Variants in GRK3 observed in about 807,000 individuals in gnomAD.
GRK3 encodes the protein adrenergic, beta, receptor kinase 2.
Under a neutral mutation model 95.7 loss-of-function variants are expected in GRK3, and 54 were observed. The observed-to-expected ratio is 0.56, with a 90% CI of 0.45 to 0.71. The LOEUF (loss-of-function observed/expected upper bound fraction) is 0.71. Among genes scored for constraint, GRK3 ranks in the 30% least tolerant of loss-of-function variants. The pLI, the probability that GRK3 is intolerant of heterozygous loss-of-function variation, is 0.00. For synonymous variants in GRK3, 281 were observed against 290.8 expected (o/e 0.97, Z 0.34); for missense variants, 649 against 851.2 (o/e 0.76, Z 2.96).
At chr22:25,693,774 CTTT>C (rs542086916) in intron 12 of GRK3, among the ~76,000 whole-genome samples, 4 of 112,838 alleles carry the variant, frequency 3.5e-5, no homozygotes, top group East Asian at 2.6e-4. Context: ...GTTAAAAATT[CTTT>C]TTTTTTTTTT....
At position 25,613,161 on chromosome 22, in the gene GRK3, C is replaced by T. The variant is rs569363231; in HGVS notation, c.190+8708C>T. 2.0e-3 allele frequency among the ~76,000 whole-genome samples: 307 copies of T among 151,128 alleles called. 2 individuals carry two copies. Among genetic ancestry groups the T allele is most frequent in the African/African-American group, 7.3e-3 (300 of 41,190 alleles). On this transcript the variant is annotated intron_variant, in intron 2 of 20. Transcript: ENST00000324198. Reference sequence around the variant, plus strand: ...GAGGTTAAATTACAGCAAATAGAGCCGTCTTGCATAAGGTTGTAGAGAGGG... The same window carrying T: ...GAGGTTAAATTACAGCAAATAGAGCTGTCTTGCATAAGGTTGTAGAGAGGG...
intron 15 of GRK3, among the ~76,000 whole-genome samples, chr22:25,706,402 C>T (rs1035526976): frequency 2.6e-5 from 4 of 152,160 alleles, no homozygotes; most frequent in Non-Finnish European, 4.4e-5. Context: ...ATGCTGGCTC[C>T]GTCCCCAGGG....
rs191318003 is a variant in GRK3, at chr22:25,642,389, C to T, written c.191-2203C>T. Among the ~76,000 whole-genome samples, 22 of 152,150 alleles carry T rather than the reference C, an allele frequency of 1.4e-4. No individual in the cohort carries two copies. In the South Asian group the frequency reaches 2.1e-3, roughly 14 times the overall value. ...CAGAGGTTGCAGTGAGCCAAGATCG[C>T]GCCATTGCACTCCAGCCTGGGCGAC... On this transcript the variant is annotated intron_variant, in intron 2 of 20. Coordinates refer to ENST00000324198, the MANE Select transcript of GRK3 (RefSeq NM_005160.4).
intron 2 of GRK3, among the ~76,000 whole-genome samples, chr22:25,627,094 A>G (rs1482665437): frequency 6.6e-6 from 1 of 152,152 alleles, no homozygotes; most frequent in Admixed American, 6.5e-5. Flanking sequence ...AAGGGGAAGG[A>G]GGACAGATTC....
At chr22:25,672,216 T>G in intron 6 of GRK3, 80 bp from the exon 7 acceptor site, 2 of 704,254 alleles carry the variant, frequency 2.8e-6, no homozygotes, top group East Asian at 5.8e-5. Flanking sequence ...AATGCCGTTC[T>G]AGTCTGTCTT....
intron 2 of GRK3, among the ~76,000 whole-genome samples, chr22:25,639,045 T>A (rs2084724178): frequency 6.6e-6 from 1 of 152,192 alleles, no homozygotes; most frequent in Non-Finnish European, 1.5e-5. Context: ...TTTTATTGAG[T>A]TGTTCTTCTT....
chr22:25,679,935 G>A (rs1025393783), intron 9 of GRK3, among the ~76,000 whole-genome samples: 3 of 152,198 alleles, frequency 2.0e-5, no homozygotes, highest in African/African-American at 7.2e-5. Flanking sequence ...AGTGGGTAAT[G>A]AAAGAATCCC....
At chr22:25,580,502 G>C (rs1283645115) in intron 1 of GRK3, 1 of 152,152 alleles carries the variant, frequency 6.6e-6, no homozygotes, top group Non-Finnish European at 1.5e-5. Context: ...ACTGAAATAG[G>C]CTAAAACGAC....
chr22:25,706,666 G>C (rs2085302350), intron 15 of GRK3, among the ~76,000 whole-genome samples: 1 of 152,026 alleles, frequency 6.6e-6, no homozygotes, highest in Non-Finnish European at 1.5e-5. Context: ...GAGTAGCTGG[G>C]GCTACAGGTG....
At chr22:25,620,883 G>C (rs930656579) in intron 2 of GRK3, among the ~76,000 whole-genome samples, 1 of 152,200 alleles carries the variant, frequency 6.6e-6, no homozygotes, top group Admixed American at 6.5e-5. Flanking sequence ...TCAGTAAGAG[G>C]GGGCTTAATA....
intron 1 of GRK3, among the ~76,000 whole-genome samples, chr22:25,584,464 G>A (rs1932218373): frequency 1.3e-5 from 2 of 152,208 alleles, no homozygotes; most frequent in Non-Finnish European, 2.9e-5. Context: ...TGGCCCCAAA[G>A]TGTGTGAGTA....
chr22:25,578,531 C>T (rs1235250637), intron 1 of GRK3, among the ~76,000 whole-genome samples: 2 of 152,102 alleles, frequency 1.3e-5, no homozygotes, highest in Non-Finnish European at 1.5e-5. Context: ...TAGGTGGCAT[C>T]ATAGCAGCTA....
intron 1 of GRK3, among the ~76,000 whole-genome samples, chr22:25,583,255 G>A (rs1015548767): frequency 2.0e-5 from 3 of 152,128 alleles, no homozygotes; most frequent in Admixed American, 6.5e-5. Flanking sequence ...AAAGATGGAC[G>A]TTAATTTCAT....
intron 3 of GRK3, among the ~76,000 whole-genome samples, chr22:25,649,902 G>T (rs2084816096): frequency 6.6e-6 from 1 of 151,992 alleles, no homozygotes; most frequent in Admixed American, 6.6e-5. Flanking sequence ...AGTAGAATAA[G>T]AAATTTTTCA....
rs867704103 is a variant in GRK3, at chr22:25,727,314, A to G, written c.*4864A>G. On this transcript the variant is annotated 3_prime_UTR_variant, in exon 21 of 21. Coordinates refer to ENST00000324198, the MANE Select transcript of GRK3 (RefSeq NM_005160.4). ...TCCAGGTCACATTTTAACAAAGTTT[A>G]TTATGAAACAAATGAAATTTGAACT... The G allele has an allele frequency of 1.3e-5, 2 of 152,206 alleles. No individual in the cohort carries two copies. The highest frequency in any genetic ancestry group is 2.4e-5 in the African/African-American group (1 of 41,450). The allele number at this position is 152,206 out of a possible 1,614,324, so 9.4% of individuals were successfully genotyped here.
At chr22:25,682,768 C>T (rs375594358) in intron 9 of GRK3, among the ~76,000 whole-genome samples, 8 of 152,240 alleles carry the variant, frequency 5.3e-5, no homozygotes, top group Non-Finnish European at 8.8e-5. Flanking sequence ...CACGCATCTC[C>T]GGCACCCAGA....
intron 13 of GRK3, among the ~76,000 whole-genome samples, chr22:25,702,393 T>C (rs1007685638): frequency 2.4e-4 from 36 of 152,212 alleles, no homozygotes; most frequent in African/African-American, 8.7e-4. Flanking sequence ...TTTTATGGAG[T>C]TAATATTAAA....
chr22:25,697,870 G>A lies in GRK3; in HGVS notation c.1160+2656G>A, dbSNP rs558509766. Among the ~76,000 whole-genome samples, 7 of 152,238 alleles carry A rather than the reference G, an allele frequency of 4.6e-5. No individual in the cohort carries two copies. In the South Asian group the frequency reaches 1.5e-3, roughly 32 times the overall value. On this transcript the variant is annotated intron_variant, in intron 13 of 20. Transcript: ENST00000324198. Reference sequence around the variant, plus strand: ...GGATTAGATGAATCTCCCCCACTAGGATTTATTATCTCATGCCATTCCTTC... The same window carrying A: ...GGATTAGATGAATCTCCCCCACTAGAATTTATTATCTCATGCCATTCCTTC...
intron 1 of GRK3, among the ~76,000 whole-genome samples, chr22:25,597,057 C>A (rs546629902): frequency 2.4e-4 from 37 of 152,094 alleles, no homozygotes; most frequent in Non-Finnish European, 4.1e-4. Flanking sequence ...CACTTCCCTG[C>A]CTTTCAGAAA....
Sources: gnomAD v4.1 joint callset for allele counts (sites outside exome capture counted in the v4.1 genomes callset) on GRCh38, gnomAD v4.1.1 for gene constraint, MANE v1.5 for transcripts, NCBI Gene and HGNC (gene_info 2026-07-23, HGNC 2026-07-21) for gene names.